Variants in NCKAP5 observed in about 807,000 individuals in gnomAD.
The protein encoded by NCKAP5 is NCK associated protein 5, also known as nck-associated protein 5.
NCKAP5 carries 92 observed loss-of-function variants against 167.0 expected under a neutral mutation model. The ratio of observed to expected loss-of-function variants is 0.55; its 90% CI spans 0.47 to 0.66. The LOEUF (loss-of-function observed/expected upper bound fraction) is 0.66, where lower values mean the gene tolerates loss of function less well. Ranked by LOEUF, NCKAP5 falls within the 30% of genes least tolerant of loss-of-function variation. The pLI is 0.00. For synonymous variants in NCKAP5, 891 were observed against 877.4 expected (o/e 1.02, Z -0.27); for missense variants, 2,378 against 2,315.0 (o/e 1.03, Z -0.56).
intron 3 of NCKAP5, among the ~76,000 whole-genome samples, chr2:133,329,127 G>A (rs570166271): frequency 3.9e-5 from 6 of 152,192 alleles, no homozygotes; most frequent in East Asian, 1.9e-4. Context: ...TTTCCACCTC[G>A]CTGAAGAGGC....
At chr2:132,924,254 C>A (rs116446367) in intron 8 of NCKAP5, among the ~76,000 whole-genome samples, 2,243 of 152,180 alleles carry the variant, frequency 0.015, 49 homozygotes, top group African/African-American at 0.052. Flanking sequence ...ACCGCAGTGG[C>A]CATCAAAAAA....
At chr2:133,044,835 G>A (rs1282535729) in intron 6 of NCKAP5, among the ~76,000 whole-genome samples, 1 of 152,098 alleles carries the variant, frequency 6.6e-6, no homozygotes, top group Non-Finnish European at 1.5e-5. Flanking sequence ...AGCACTTTGG[G>A]AGGCCGAGGT....
At position 133,130,040 on chromosome 2, in the gene NCKAP5, C is replaced by T; in HGVS notation, c.279G>A (p.Glu93=). 6.2e-7 allele frequency: 1 copy of T among 1,611,760 alleles called. No homozygotes were observed. The highest frequency in any genetic ancestry group is 1.1e-5 in the South Asian group (1 of 90,496). Residue 93 remains glutamate (E), a synonymous_variant, in exon 6 of 20, where the codon GAG becomes GAA. Coordinates refer to ENST00000409261, the MANE Select transcript of NCKAP5 (RefSeq NM_207363.3). ...TGTTGCGTTCAGACTCTAGGGTCAC[C>T]TCCTGCAACCGCTTCTCGCTTTGAA... The part of the protein sequence containing the change: ...LRLQSEKRLQ[E]VTLESERNRI...
chr2:132,698,799 A>G (rs1573914269), intron 19 of NCKAP5, among the ~76,000 whole-genome samples: 3 of 152,140 alleles, frequency 2.0e-5, no homozygotes, highest in South Asian at 4.1e-4. Flanking sequence ...ACGCCATTGC[A>G]CTACAGCCTG....
chr2:133,062,580 A>G (rs2080044059), intron 6 of NCKAP5, among the ~76,000 whole-genome samples: 1 of 152,226 alleles, frequency 6.6e-6, no homozygotes, highest in African/African-American at 2.4e-5. Flanking sequence ...AAAATCCTGG[A>G]GGTAAAAATC....
At chr2:132,917,810 C>A (rs1695002368) in intron 8 of NCKAP5, among the ~76,000 whole-genome samples, 1 of 152,100 alleles carries the variant, frequency 6.6e-6, no homozygotes, top group Admixed American at 6.6e-5. Context: ...AGACTTCTCT[C>A]CAATCACTCT....
Position 132,970,417 on chromosome 2 carries a change from T to A in NCKAP5, c.430-6548A>T, listed in dbSNP as rs78095122. Among the ~76,000 whole-genome samples the A allele has an allele frequency of 8.1e-3, 1,235 of 152,300 alleles. 14 individuals are homozygous for A. The highest frequency in any genetic ancestry group is 0.028 in the African/African-American group (1,163 of 41,568). On this transcript the variant is annotated intron_variant, in intron 7 of 19. Transcript: ENST00000409261. Reference sequence around the variant, plus strand: ...ATGAGGATGTCAAAGTTGAAGAGAATAAGTTGATTCTAGAGGTGACCTGTT... The same window carrying A: ...ATGAGGATGTCAAAGTTGAAGAGAAAAAGTTGATTCTAGAGGTGACCTGTT...
chr2:133,232,032 G>A (rs111461475), intron 4 of NCKAP5, among the ~76,000 whole-genome samples: 2 of 152,320 alleles, frequency 1.3e-5, no homozygotes, highest in Admixed American at 6.5e-5. Flanking sequence ...GATATGTAGT[G>A]TATGTCATTC....
intron 11 of NCKAP5, among the ~76,000 whole-genome samples, chr2:132,817,972 G>A (rs531008575): frequency 6.6e-6 from 1 of 152,258 alleles, no homozygotes; most frequent in East Asian, 1.9e-4. Context: ...TTTTAAGACA[G>A]GGTCTCACCC....
At chr2:133,119,819 T>C (rs937391997) in intron 6 of NCKAP5, among the ~76,000 whole-genome samples, 1 of 151,786 alleles carries the variant, frequency 6.6e-6, no homozygotes, top group African/African-American at 2.4e-5. Context: ...GCAAGTTACC[T>C]CATTTTTTAA....
intron 19 of NCKAP5, among the ~76,000 whole-genome samples, chr2:132,693,316 T>C (rs146333156): frequency 2.0e-3 from 312 of 152,276 alleles, no homozygotes; most frequent in African/African-American, 7.3e-3. Context: ...TGGATCATAC[T>C]GGAGTAAGGT....
intron 7 of NCKAP5, among the ~76,000 whole-genome samples, chr2:132,980,319 A>T (rs1182340422): frequency 1.3e-5 from 2 of 152,034 alleles, no homozygotes; most frequent in Admixed American, 6.6e-5. Flanking sequence ...CAGGCTTCAT[A>T]TTAGAATAGG....
At chr2:133,571,995 A>G (rs188660907), upstream of NCKAP5, among the ~76,000 whole-genome samples, 559 of 151,826 alleles carry the variant, frequency 3.7e-3, 5 homozygotes, top group African/African-American at 0.013. Flanking sequence ...AAAACCCAGA[A>G]CCAAAAACAA....
Position 132,948,386 on chromosome 2 carries a change from T to G in NCKAP5, c.579+15334A>C, listed in dbSNP as rs531048953. 3.3e-5 allele frequency among the ~76,000 whole-genome samples: 5 copies of G among 152,120 alleles called. No homozygotes were observed. The East Asian group carries it at 9.7e-4, about 29-fold the overall frequency. ...TACCCAACTAGTTGCAGAGAGAAGTTAAAAGGGACTGTTGCCTGCTGAGAG... is the reference window on the plus strand; with the variant it reads ...TACCCAACTAGTTGCAGAGAGAAGTGAAAAGGGACTGTTGCCTGCTGAGAG... On this transcript the variant is annotated intron_variant, in intron 8 of 19. Transcript: ENST00000409261.
intron 3 of NCKAP5, among the ~76,000 whole-genome samples, chr2:133,439,940 A>C (rs895226032): frequency 6.6e-6 from 1 of 152,222 alleles, no homozygotes; most frequent in Non-Finnish European, 1.5e-5. Context: ...TGCCTACATA[A>C]TTAGTCTCCA....
In NCKAP5 at chr2:133,179,454, A is replaced by T. The variant is rs549260231; in HGVS notation, c.207+34262T>A. On this transcript the variant is annotated intron_variant, in intron 5 of 19. Transcript: ENST00000409261. Reference sequence around the variant, plus strand: ...TTCAATTAAAAAAAAATCACTCATAAAACAAAAAACCAAGATCTCTAAGTG... The same window carrying T: ...TTCAATTAAAAAAAAATCACTCATATAACAAAAAACCAAGATCTCTAAGTG... Among the ~76,000 whole-genome samples, 12 of 152,304 alleles carry T rather than the reference A, an allele frequency of 7.9e-5. No homozygotes were observed. In the East Asian group the frequency reaches 2.1e-3, roughly 27 times the overall value.
chr2:133,521,182 AG>A (rs533659258), intron 2 of NCKAP5, among the ~76,000 whole-genome samples: 1 of 152,190 alleles, frequency 6.6e-6, no homozygotes, highest in Admixed American at 6.5e-5. Context: ...CTGCAGATCC[AG>A]GGGGGAAATG....
intron 19 of NCKAP5, among the ~76,000 whole-genome samples, chr2:132,681,438 G>A (rs1359671953): frequency 6.6e-6 from 1 of 151,608 alleles, no homozygotes; most frequent in Non-Finnish European, 1.5e-5. Flanking sequence ...AGGCTTAGGT[G>A]TCACTGTGCT....
intron 6 of NCKAP5, among the ~76,000 whole-genome samples, chr2:133,061,458 C>A (rs2079998764): frequency 6.6e-6 from 1 of 152,208 alleles, no homozygotes; most frequent in Non-Finnish European, 1.5e-5. Context: ...TACAATAAAC[C>A]CCTATGACAT....
Sources: allele counts gnomAD v4.1 joint callset (sites outside exome capture counted in the v4.1 genomes callset), GRCh38; gene constraint gnomAD v4.1.1; transcripts MANE v1.5; gene names NCBI Gene and HGNC (gene_info 2026-07-23, HGNC 2026-07-21).